The following REPS2 variants were observed in gnomAD, a reference collection of about 807,000 sequenced individuals.
REPS2 encodes ralBP1-associated Eps domain-containing protein 2.
In REPS2, 23 loss-of-function variants were observed where a neutral mutation model predicts 53.6. That is an observed-to-expected ratio of 0.43 (90% CI 0.31 to 0.61). REPS2 has a LOEUF of 0.61. Among genes scored for constraint, REPS2 ranks in the 20% least tolerant of loss-of-function variants. The pLI is 0.11. For missense variants in REPS2, 446 were observed against 534.9 expected (o/e 0.83, Z 1.64); for synonymous variants, 238 against 218.6 (o/e 1.09, Z -0.78).
At chrX:17,180,600 G>A in the REPS2 span, among the ~76,000 whole-genome samples, 1 of 103,218 alleles carries the variant, frequency 9.7e-6, no homozygotes, top group Non-Finnish European at 1.9e-5. Context: ...AGCACTTCAG[G>A]CTTTGGTTCT....
At chrX:16,969,082 C>T (rs1196036986) in intron 1 of REPS2, among the ~76,000 whole-genome samples, 36 of 109,518 alleles carry the variant, frequency 3.3e-4, no homozygotes, top group Non-Finnish European at 9.6e-5. Flanking sequence ...CCTCACATCC[C>T]GGATGGGGCG....
At chrX:16,998,154 C>T (rs1029564303) in intron 1 of REPS2, among the ~76,000 whole-genome samples, 1 of 111,598 alleles carries the variant, frequency 9.0e-6, no homozygotes, top group African/African-American at 3.3e-5. Context: ...AGGGCTGAGG[C>T]GGGAGGATCA....
the REPS2 span, among the ~76,000 whole-genome samples, chrX:17,185,361 A>G: frequency 9.0e-6 from 1 of 111,513 alleles, no homozygotes; most frequent in South Asian, 3.8e-4. Context: ...AAGTCACTAG[A>G]CCAGCCCAGA....
chrX:17,047,301 TA>T, intron 5 of REPS2, 45 bp from the exon 6 acceptor site: 1 of 1,188,535 alleles, frequency 8.4e-7, no homozygotes, highest in Non-Finnish European at 1.1e-6. Flanking sequence ...TACTTCTCAC[TA>T]AAGACAGGTT....
chrX:17,115,277 A>G (rs370441905), intron 14 of REPS2, among the ~76,000 whole-genome samples: 9 of 112,294 alleles, frequency 8.0e-5, no homozygotes, highest in African/African-American at 2.6e-4. Context: ...ACGTGAACAA[A>G]GGTCTCTGCA....
chrX:17,176,533 T>C, the REPS2 span, among the ~76,000 whole-genome samples: 16,099 of 111,622 alleles, frequency 0.14, 911 homozygotes, highest in African/African-American at 0.18. Flanking sequence ...CGTAGAGTAG[T>C]TCTGTTTACA....
At chrX:16,965,858 G>A (rs2060756480) in intron 1 of REPS2, among the ~76,000 whole-genome samples, 1 of 112,858 alleles carries the variant, frequency 8.9e-6, no homozygotes, top group Non-Finnish European at 1.9e-5. Flanking sequence ...CTGCAATCCC[G>A]GCACCTCGGG....
intron 1 of REPS2, among the ~76,000 whole-genome samples, chrX:16,972,599 C>T (rs995814704): frequency 9.0e-6 from 1 of 111,688 alleles, no homozygotes; most frequent in African/African-American, 3.3e-5. Flanking sequence ...TAACCTTCTT[C>T]CTGTAGTCAC....
intron 2 of REPS2, among the ~76,000 whole-genome samples, chrX:17,020,651 A>T (rs193019941): frequency 3.7e-5 from 4 of 108,283 alleles, no homozygotes; most frequent in African/African-American, 1.3e-4. Context: ...TTTCTGGTAC[A>T]GAATTTTGCT....
intron 13 of REPS2, among the ~76,000 whole-genome samples, chrX:17,101,646 A>G (rs1449693895): frequency 8.9e-6 from 1 of 111,761 alleles, no homozygotes; most frequent in African/African-American, 3.3e-5. Context: ...ATTAAATCAT[A>G]CAAAAGAACT....
rs770010053 is a variant in REPS2 at position 17,135,373 on chromosome X, C to T, written c.1775C>T (p.Ala592Val). ...PSTAASGPAS[A>V]ATMKPHPTVQ... ...ACTGCTGCAAGTGGGCCAGCTTCTG[C>T]GGCAACCATGAAACCGCATCCAACA... is the stretch of plus-strand genomic sequence containing the variant. Residue 592 changes from alanine to valine, a missense_variant, in exon 16 of 18, where the codon GCG becomes GTG. Coordinates refer to ENST00000357277, the MANE Select transcript of REPS2 (RefSeq NM_004726.3). The T allele has an allele frequency of 3.1e-5, 38 of 1,209,142 alleles. No homozygotes were observed. The highest frequency in any genetic ancestry group is 1.2e-4 in the African/African-American group (7 of 57,092).
chrX:16,968,636 C>T (rs1427111982), intron 1 of REPS2, among the ~76,000 whole-genome samples: 8 of 101,259 alleles, frequency 7.9e-5, no homozygotes, highest in Non-Finnish European at 8.2e-5. Flanking sequence ...GGCGGCTGGC[C>T]GGGCGGGGGG....
At chrX:17,121,599 G>A (rs764693515) in intron 14 of REPS2, among the ~76,000 whole-genome samples, 1 of 112,770 alleles carries the variant, frequency 8.9e-6, no homozygotes, top group South Asian at 3.7e-4. Flanking sequence ...TATTAGAAAT[G>A]GGGCCATATT....
chrX:16,976,606 T>C (rs902007492), intron 1 of REPS2, among the ~76,000 whole-genome samples: 1 of 111,400 alleles, frequency 9.0e-6, no homozygotes, highest in African/African-American at 3.3e-5. Flanking sequence ...CTCCAAAGGG[T>C]GCTTTGAGAC....
chrX:17,172,132 C>A, the REPS2 span, among the ~76,000 whole-genome samples: 1 of 111,855 alleles, frequency 8.9e-6, no homozygotes, highest in Non-Finnish European at 1.9e-5. Context: ...TAAGAAAATA[C>A]AATACTTGGG....
intron 3 of REPS2, among the ~76,000 whole-genome samples, chrX:17,024,226 G>A (rs906330979): frequency 4.5e-5 from 5 of 110,422 alleles, no homozygotes; most frequent in African/African-American, 1.6e-4. Context: ...AGTCAAGGCT[G>A]CAGTGAGCTA....
At chrX:16,999,849 A>G (rs2061280558) in intron 1 of REPS2, among the ~76,000 whole-genome samples, 1 of 107,223 alleles carries the variant, frequency 9.3e-6, no homozygotes, top group African/African-American at 3.4e-5. Context: ...GATCGAGACC[A>G]TCCCGGCTAA....
At chrX:17,052,964 G>A (rs2062022977) in intron 7 of REPS2, among the ~76,000 whole-genome samples, 1 of 111,254 alleles carries the variant, frequency 9.0e-6, no homozygotes, top group South Asian at 3.8e-4. Context: ...TGCAGCTGTG[G>A]TATCCACTGC....
chrX:17,084,080 C>A (rs2062498865), intron 13 of REPS2, among the ~76,000 whole-genome samples: 1 of 108,422 alleles, frequency 9.2e-6, no homozygotes, highest in South Asian at 4.1e-4. Flanking sequence ...CCATTCCCCC[C>A]TTTTCTTCCT....
Sources: gnomAD v4.1 joint callset for allele counts (sites outside exome capture counted in the v4.1 genomes callset) on GRCh38, gnomAD v4.1.1 for gene constraint, MANE v1.5 for transcripts, NCBI Gene and HGNC (gene_info 2026-07-23, HGNC 2026-07-21) for gene names.